The following PKNOX2 variants were observed in gnomAD, a reference collection of about 807,000 sequenced individuals.
PKNOX2 encodes homeobox protein PKNOX2.
PKNOX2 carries 14 observed loss-of-function variants against 53.1 expected under a neutral mutation model. The ratio of observed to expected loss-of-function variants is 0.26; its 90% CI spans 0.17 to 0.41. The LOEUF (loss-of-function observed/expected upper bound fraction) is 0.41, where lower values mean the gene tolerates loss of function less well. Ranked by LOEUF, PKNOX2 falls within the 10% of genes least tolerant of loss-of-function variation. The probability of loss-of-function intolerance (pLI) is 1.00; values close to 1 mark genes in which losing one functional copy is unlikely to be tolerated. For missense variants in PKNOX2, 496 were observed against 602.8 expected, an observed-to-expected ratio of 0.82 and a Z score of 1.85; for synonymous variants, 257 against 242.8, an observed-to-expected ratio of 1.06 and a Z score of -0.54.
rs895252965 is a variant in PKNOX2, at chr11:125,354,852, G to A, written c.87+3460G>A. 2.0e-5 allele frequency among the ~76,000 whole-genome samples: 3 copies of A among 152,188 alleles called. No individual in the cohort carries two copies. The East Asian group carries it at 5.8e-4, about 29-fold the overall frequency. On this transcript the variant is annotated intron_variant, in intron 4 of 12. Coordinates refer to ENST00000298282, the MANE Select transcript of PKNOX2 (RefSeq NM_001382323.2). Reference sequence around the variant, plus strand: ...TGGGCACAAGCCAAGTGATACGATGGCTAAGCGGCTTCTAGCCCCTTAGTT... The same window carrying A: ...TGGGCACAAGCCAAGTGATACGATGACTAAGCGGCTTCTAGCCCCTTAGTT...
chr11:125,222,662 ATGTGTG>A (rs67172956), intron 1 of PKNOX2, among the ~76,000 whole-genome samples: 2 of 126,822 alleles, frequency 1.6e-5, no homozygotes, highest in African/African-American at 6.9e-5. Flanking sequence ...TGTGCTGTGT[ATGTGTG>A]TGTGTATGTG....
At chr11:125,262,747 C>T (rs2135741779) in intron 2 of PKNOX2, among the ~76,000 whole-genome samples, 1 of 152,182 alleles carries the variant, frequency 6.6e-6, no homozygotes, top group Admixed American at 6.5e-5. Context: ...TTTCTTTCCA[C>T]TCGTTCTGGG....
At chr11:125,328,585 C>T (rs1394829898) in intron 2 of PKNOX2, among the ~76,000 whole-genome samples, 4 of 152,142 alleles carry the variant, frequency 2.6e-5, no homozygotes, top group African/African-American at 2.4e-5. Context: ...CTCAGACACC[C>T]GGAAAAGGCT....
chr11:125,230,812 TC>T (rs1463687119), intron 1 of PKNOX2, among the ~76,000 whole-genome samples: 3 of 152,160 alleles, frequency 2.0e-5, no homozygotes, highest in Non-Finnish European at 4.4e-5. Flanking sequence ...ACATGCACCA[TC>T]TTATTTAAAG....
intron 1 of PKNOX2, among the ~76,000 whole-genome samples, chr11:125,174,435 G>A (rs1955552537): frequency 6.6e-6 from 1 of 152,138 alleles, no homozygotes; most frequent in Non-Finnish European, 1.5e-5. Context: ...TAACTTCTCT[G>A]GATTTCAGAA....
intron 6 of PKNOX2, among the ~76,000 whole-genome samples, chr11:125,397,307 A>G (rs954022632): frequency 5.9e-5 from 9 of 152,212 alleles, no homozygotes; most frequent in Non-Finnish European, 1.3e-4. Flanking sequence ...GGCACTCAGA[A>G]TGCTTGTTTA....
intron 10 of PKNOX2, among the ~76,000 whole-genome samples, chr11:125,413,592 G>A (rs1955696091): frequency 6.6e-6 from 1 of 152,182 alleles, no homozygotes; most frequent in Non-Finnish European, 1.5e-5. Flanking sequence ...GGTCACAGGG[G>A]TGCTAGAAAG....
chr11:125,189,119 C>T (rs1956629537), intron 1 of PKNOX2, among the ~76,000 whole-genome samples: 1 of 151,702 alleles, frequency 6.6e-6, no homozygotes, highest in Non-Finnish European at 1.5e-5. Context: ...TTCTTTTGTT[C>T]TCATCTGCTG....
chr11:125,240,008 G>T lies in PKNOX2; in HGVS notation c.-130+4893G>T, dbSNP rs554451476. ...AAATAATGGCTGTTCTGTGATTCCTGCCTCCTGAGCTAGGAGATTGCAATT... is the reference window on the plus strand; with the variant it reads ...AAATAATGGCTGTTCTGTGATTCCTTCCTCCTGAGCTAGGAGATTGCAATT... On this transcript the variant is annotated intron_variant, in intron 2 of 12. Transcript: ENST00000298282. The surrounding 1 kb of genome is among the most constrained non-coding windows in gnomAD (Gnocchi z 4.3). The T allele has an allele frequency of 1.3e-5, 2 of 152,366 alleles. No homozygotes were observed. Among genetic ancestry groups the T allele is most frequent in the East Asian group, 3.9e-4 (2 of 5,188 alleles). The allele number at this position is 152,366 out of a possible 1,614,324, so 9.4% of individuals were successfully genotyped here. A position where few individuals can be genotyped will look rare whatever the true frequency, so the allele number is the denominator to read the frequency against.
At chr11:125,268,290 C>T (rs1477016676) in intron 2 of PKNOX2, among the ~76,000 whole-genome samples, 1 of 152,180 alleles carries the variant, frequency 6.6e-6, no homozygotes, top group Non-Finnish European at 1.5e-5. Context: ...TTGGGAACCG[C>T]GTGCTGTAGA....
At chr11:125,409,922 C>A (rs772837229) in intron 7 of PKNOX2, 2 of 331,118 alleles carry the variant, frequency 6.0e-6, no homozygotes, top group Non-Finnish European at 5.6e-6. Flanking sequence ...AAGGAGGAGA[C>A]CATGGGGGTT....
At chr11:125,250,970 C>G (rs906056777) in intron 2 of PKNOX2, among the ~76,000 whole-genome samples, 4 of 152,232 alleles carry the variant, frequency 2.6e-5, no homozygotes, top group Non-Finnish European at 5.9e-5. Flanking sequence ...CTGGGCTTGC[C>G]TTTTTCACAC....
At chr11:125,330,988 C>T (rs1329223208) in intron 2 of PKNOX2, among the ~76,000 whole-genome samples, 4 of 152,090 alleles carry the variant, frequency 2.6e-5, no homozygotes, top group African/African-American at 9.7e-5. Context: ...CTGAAAGTGC[C>T]GCCCAGGCCT....
intron 4 of PKNOX2, among the ~76,000 whole-genome samples, chr11:125,366,557 T>TATAG (rs1344894309): frequency 6.6e-5 from 10 of 152,028 alleles, no homozygotes; most frequent in African/African-American, 2.4e-4. Context: ...AGCACATAAA[T>TATAG]ATAGAATATG....
chr11:125,412,574 A>T (rs1472275660), intron 10 of PKNOX2, among the ~76,000 whole-genome samples: 1 of 152,196 alleles, frequency 6.6e-6, no homozygotes, highest in Non-Finnish European at 1.5e-5. Context: ...GCAATCTCCC[A>T]ACACCACTTT....
At chr11:125,249,794 A>G (rs10893357) in intron 2 of PKNOX2, among the ~76,000 whole-genome samples, 77,437 of 151,396 alleles carry the variant, frequency 0.51, 20,431 homozygotes, top group East Asian at 0.72. Flanking sequence ...TTTGGGCTGC[A>G]CGCGGTAGCT....
At chr11:125,359,237 T>C (rs1337029034) in intron 4 of PKNOX2, among the ~76,000 whole-genome samples, 1 of 149,976 alleles carries the variant, frequency 6.7e-6, no homozygotes, top group African/African-American at 2.5e-5. Context: ...AGGCTGCGGA[T>C]CCGTGAGCAG....
At chr11:125,225,333 C>G (rs1171935150) in intron 1 of PKNOX2, among the ~76,000 whole-genome samples, 1 of 152,186 alleles carries the variant, frequency 6.6e-6, no homozygotes, top group African/African-American at 2.4e-5. Context: ...GACCCCCAGC[C>G]TAGTGAAGGA....
At chr11:125,256,731 C>T (rs1216689054) in intron 2 of PKNOX2, among the ~76,000 whole-genome samples, 2 of 152,182 alleles carry the variant, frequency 1.3e-5, no homozygotes, top group Admixed American at 6.5e-5. Flanking sequence ...CAGATAGCCA[C>T]TTCCTGGTTT....
Sources: gnomAD v4.1 joint callset for allele counts (sites outside exome capture counted in the v4.1 genomes callset) on GRCh38, gnomAD v4.1.1 for gene constraint, Gnocchi (gnomAD v3.1) non-coding constraint, MANE v1.5 for transcripts, NCBI Gene and HGNC (gene_info 2026-07-23, HGNC 2026-07-21) for gene names.